Variants in ASB7 observed in about 807,000 individuals in gnomAD.
ASB7 encodes the protein ankyrin repeat and SOCS box protein 7.
Under a neutral mutation model 32.5 loss-of-function variants are expected in ASB7, and 4 were observed. That is an observed-to-expected ratio of 0.12 (90% CI 0.06 to 0.28). The LOEUF (loss-of-function observed/expected upper bound fraction) is 0.28. ASB7 is among the 10% of genes least tolerant of loss of function. ASB7 has a pLI of 1.00. For synonymous variants in ASB7, 172 were observed against 155.6 expected (o/e 1.11, Z -0.78); for missense variants, 181 against 407.1 (o/e 0.44, Z 4.78).
At chr15:100,645,851 A>G in intron 5 of ASB7, 4 of 1,031,618 alleles carry the variant, frequency 3.9e-6, no homozygotes, top group Non-Finnish European at 4.5e-6. Context: ...TCATGGTCCC[A>G]AGATACGCTG....
At chr15:100,643,684 G>T (rs1416173632) in intron 5 of ASB7, among the ~76,000 whole-genome samples, 1 of 150,562 alleles carries the variant, frequency 6.6e-6, no homozygotes, top group Non-Finnish European at 1.5e-5. Context: ...TAGTAGAGAC[G>T]GGGTTTCACC....
chr15:100,639,125 T>C (rs973792483), intron 5 of ASB7, among the ~76,000 whole-genome samples: 3 of 152,178 alleles, frequency 2.0e-5, no homozygotes, highest in Non-Finnish European at 4.4e-5. Context: ...CTGGGCTGTA[T>C]TTTGATTTGT....
At chr15:100,611,000 T>G (rs1311509874) in intron 3 of ASB7, among the ~76,000 whole-genome samples, 1 of 152,198 alleles carries the variant, frequency 6.6e-6, no homozygotes. Context: ...TTTTACCATT[T>G]CACTTTGGAC....
At chr15:100,605,796 C>G (rs892225474) in intron 2 of ASB7, among the ~76,000 whole-genome samples, 13 of 152,276 alleles carry the variant, frequency 8.5e-5, no homozygotes, top group Admixed American at 8.5e-4. Context: ...CATTATAATA[C>G]TTGTGATTTA....
chr15:100,609,157 C>T (rs10220889), intron 2 of ASB7, among the ~76,000 whole-genome samples: 96,463 of 152,076 alleles, frequency 0.63, 31,135 homozygotes, highest in South Asian at 0.75. Context: ...TTATCTAGTT[C>T]GGTGTATGCA....
chr15:100,622,200 C>CAAAAAGA (rs144104570), intron 4 of ASB7, among the ~76,000 whole-genome samples: 53,634 of 148,434 alleles, frequency 0.36, 10,455 homozygotes, highest in South Asian at 0.48. Context: ...ATAATAGCTA[C>CAAAAAGA]AAAAAGAAAA....
chr15:100,635,388 A>G (rs2039915349), intron 5 of ASB7, among the ~76,000 whole-genome samples: 1 of 151,722 alleles, frequency 6.6e-6, no homozygotes, highest in African/African-American at 2.4e-5. Context: ...CTTGCCTCTT[A>G]GTATGTTTTG....
At chr15:100,630,262 CAGTA>C in intron 5 of ASB7, 4 of 1,121,968 alleles carry the variant, frequency 3.6e-6, no homozygotes, top group Non-Finnish European at 4.6e-6. Context: ...TAGGGGTAGA[CAGTA>C]AGAGTGAGGG....
At chr15:100,645,820 G>A (rs546055467) in intron 5 of ASB7, 57 of 1,330,980 alleles carry the variant, frequency 4.3e-5, no homozygotes, top group African/African-American at 1.7e-4. Flanking sequence ...ATTGCCAAAC[G>A]CGACATCCCA....
chr15:100,641,974 G>T (rs1232738199), intron 5 of ASB7, among the ~76,000 whole-genome samples: 1 of 152,172 alleles, frequency 6.6e-6, no homozygotes, highest in Non-Finnish European at 1.5e-5. Flanking sequence ...GCCAAATCCA[G>T]GCAGCCTGGC....
intron 5 of ASB7, 146 bp downstream of exon 5, chr15:100,630,188 T>TAA: frequency 1.8e-5 from 22 of 1,236,014 alleles, no homozygotes; most frequent in Admixed American, 3.8e-5. Context: ...TCTTCTGAAA[T>TAA]AAAAAAAAAA....
intron 4 of ASB7, among the ~76,000 whole-genome samples, chr15:100,625,374 A>G (rs1398160298): frequency 6.6e-6 from 1 of 152,228 alleles, no homozygotes; most frequent in Non-Finnish European, 1.5e-5. Flanking sequence ...GATTTTGGGT[A>G]GGTTATAGAA....
At chr15:100,603,092 G>A (rs762686147) in intron 1 of ASB7, 46 bp downstream of exon 1, 73 of 398,978 alleles carry the variant, frequency 1.8e-4, no homozygotes, top group Middle Eastern at 6.3e-4. Flanking sequence ...TGGCTGGGAG[G>A]GTAGGAGGGA....
intron 5 of ASB7, among the ~76,000 whole-genome samples, chr15:100,643,718 C>A (rs2039978337): frequency 6.6e-6 from 1 of 151,258 alleles, no homozygotes; most frequent in South Asian, 2.1e-4. Flanking sequence ...TGGTCTCAAT[C>A]TCCTGACCTC....
chr15:100,644,602 AC>A (rs1330922942), intron 5 of ASB7, among the ~76,000 whole-genome samples: 1 of 152,248 alleles, frequency 6.6e-6, no homozygotes, highest in Non-Finnish European at 1.5e-5. Flanking sequence ...ATGGGGCCAG[AC>A]ATGGTCCTCC....
chr15:100,646,769 G>A (rs1000876550), intron 5 of ASB7: 2 of 153,654 alleles, frequency 1.3e-5, no homozygotes, highest in Admixed American at 6.5e-5. Flanking sequence ...ACAGGTAAGC[G>A]AGAAGTTGCG....
At chr15:100,613,255 A>C (rs1267236134) in intron 4 of ASB7, among the ~76,000 whole-genome samples, 1 of 152,234 alleles carries the variant, frequency 6.6e-6, no homozygotes, top group Non-Finnish European at 1.5e-5. Context: ...TTTCCTTCCT[A>C]AGGTGCACTT....
At chr15:100,613,306 A>G (rs1431272280) in intron 4 of ASB7, among the ~76,000 whole-genome samples, 1 of 152,256 alleles carries the variant, frequency 6.6e-6, no homozygotes, top group Admixed American at 6.5e-5. Flanking sequence ...TTTGAGGTGC[A>G]GAAAAATGTT....
Position 100,629,925 on chromosome 15 carries a change from T to C in ASB7, c.700T>C (p.Tyr234His), listed in dbSNP as rs368813652. The C allele has an allele frequency of 3.6e-5, 58 of 1,614,108 alleles. No individual in the cohort carries two copies. The highest frequency in any genetic ancestry group is 4.7e-5 in the Non-Finnish European group (56 of 1,180,044). ...RDDVLCARML[Y>H]NYGADTNTRN... ...TGATGTGCTGTGTGCACGGATGTTA[T>C]ATAATTACGGAGCAGACACGAACAC... The change falls in exon 5 of 6, where the codon TAT becomes CAT. Residue 234 changes from tyrosine (Y) to histidine (H), a missense_variant. Physicochemically the swap from Tyr to His is moderately conservative, Grantham distance 83. Transcript: ENST00000332783. This position sits in a 1 kb window ranked among gnomAD's most constrained non-coding sequence, Gnocchi z 6.8.
Sources: allele counts gnomAD v4.1 joint callset (sites outside exome capture counted in the v4.1 genomes callset), GRCh38; gene constraint gnomAD v4.1.1; non-coding constraint Gnocchi (gnomAD v3.1); transcripts MANE v1.5; gene names NCBI Gene and HGNC (gene_info 2026-07-23, HGNC 2026-07-21).